Variants in TUFM observed in about 807,000 individuals in gnomAD.
The protein encoded by TUFM is elongation factor Tu, mitochondrial.
A neutral mutation model predicts 45.0 loss-of-function variants in TUFM; 23 were observed. The observed-to-expected ratio is 0.51, with a 90% CI of 0.37 to 0.72. TUFM has a LOEUF of 0.72. TUFM is among the 30% of genes least tolerant of loss of function. The pLI is 0.00. For synonymous variants in TUFM, 243 were observed against 252.9 expected, an observed-to-expected ratio of 0.96 and a Z score of 0.37; for missense variants, 490 against 610.7, an observed-to-expected ratio of 0.80 and a Z score of 2.08.
chr16:28,843,903 G>A, intron 8 of TUFM, 47 bp downstream of exon 8: 1 of 1,614,060 alleles, frequency 6.2e-7, no homozygotes, highest in Non-Finnish European at 8.5e-7. Flanking sequence ...GCTGGAGGCT[G>A]GGGAGAGCTT....
chr16:28,844,162 C>A lies in TUFM; in HGVS notation c.923-61G>T. The A allele has an allele frequency of 6.2e-7, 1 of 1,613,810 alleles. No homozygotes were observed. The highest frequency in any genetic ancestry group is 8.5e-7 in the Non-Finnish European group (1 of 1,179,684). Reference sequence around the variant, plus strand: ...AGGCGAATGTGAGACAGAGGGAAGGCACAAGGGATCTGCCGGGGTAAGGCC... The same window carrying A: ...AGGCGAATGTGAGACAGAGGGAAGGAACAAGGGATCTGCCGGGGTAAGGCC... On this transcript the variant is annotated intron_variant, in intron 7 of 9. Coordinates refer to ENST00000313511, the MANE Select transcript of TUFM (RefSeq NM_003321.5). This position sits in a 1 kb window ranked among gnomAD's most constrained non-coding sequence, Gnocchi z 5.8.
At chr16:28,843,610 C>G in intron 9 of TUFM, 126 bp downstream of exon 9, 1 of 1,369,564 alleles carries the variant, frequency 7.3e-7, no homozygotes, top group Non-Finnish European at 1.0e-6. Context: ...CAGCGGCAAG[C>G]AGCCCCTTTC....
rs1961911923 is a variant in TUFM, at chr16:28,845,298, TC to T, written c.414+15del. ...GCAGCTTCTGGCCCTGTCTCCAGTGTCCCAGCAACCCTCACCTTAACATAAT... is the reference window on the plus strand; with the variant it reads ...GCAGCTTCTGGCCCTGTCTCCAGTGTCCAGCAACCCTCACCTTAACATAAT... On this transcript the variant is annotated intron_variant, in intron 3 of 9. Coordinates refer to ENST00000313511, the MANE Select transcript of TUFM (RefSeq NM_003321.5). 1 of 1,614,050 alleles carries T rather than the reference TC, an allele frequency of 6.2e-7. No homozygotes were observed. The highest frequency in any genetic ancestry group is 8.5e-7 in the Non-Finnish European group (1 of 1,180,028).
chr16:28,845,166 C>T lies in TUFM; in HGVS notation c.415-111G>A. ...CAGGCCCACCTTTCTCTACCATCTC[C>T]TCACCACCCATTCTGCGTGGCCAAG... On this transcript the variant is annotated intron_variant, in intron 3 of 9. Coordinates refer to ENST00000313511, the MANE Select transcript of TUFM (RefSeq NM_003321.5). 7.1e-6 allele frequency: 11 copies of T among 1,553,916 alleles called. No individual in the cohort carries two copies. In the South Asian group the frequency reaches 7.8e-5, roughly 11 times the overall value.
chr16:28,842,726 C>T lies in TUFM; in HGVS notation c.*249G>A. On this transcript the variant is annotated 3_prime_UTR_variant, in exon 10 of 10. Transcript: ENST00000313511. ...ACAAGCTCCCCATCTGTCTGGGGTT[C>T]AACACCCTTTTTGTCCTCCCCTATC... 1.8e-6 allele frequency: 1 copy of T among 550,722 alleles called. No individual in the cohort carries two copies. Among genetic ancestry groups the T allele is most frequent in the East Asian group, 3.2e-5 (1 of 30,844 alleles). 34.1% of individuals were successfully genotyped at this position (550,722 alleles called of 1,614,324 possible). A position where few individuals can be genotyped will look rare whatever the true frequency, so the allele number is the denominator to read the frequency against.
chr16:28,846,339 G>A lies in TUFM; in HGVS notation c.-70C>T. ...GCACAGAAGAAGAAGGGCGCCTGCG[G>A]CTGGAAGGCACTTCCGGCGGAAGTT... is the stretch of plus-strand genomic sequence containing the variant. On this transcript the variant is annotated 5_prime_UTR_variant, in exon 1 of 10. Transcript: ENST00000313511. The A allele has an allele frequency of 6.6e-7, 1 of 1,511,678 alleles. No homozygotes were observed. The highest frequency in any genetic ancestry group is 8.9e-7 in the Non-Finnish European group (1 of 1,118,178). 93.6% of individuals were successfully genotyped at this position (1,511,678 alleles called of 1,614,324 possible). A position where few individuals can be genotyped will look rare whatever the true frequency, so the allele number is the denominator to read the frequency against.
chr16:28,845,603 A>G (rs1017833016), intron 2 of TUFM, 123 bp from the exon 3 acceptor site: 2 of 1,260,278 alleles, frequency 1.6e-6, no homozygotes, highest in Non-Finnish European at 2.3e-6. Flanking sequence ...CTCTTCCAGC[A>G]GAGAGAACTG....
rs965648243 is a variant in TUFM at position 28,842,586 on chromosome 16, T to C, written c.*389A>G. On this transcript the variant is annotated 3_prime_UTR_variant, in exon 10 of 10. Transcript: ENST00000313511. The stretch of plus-strand genomic sequence containing the variant: ...TGAAGCCATGCTGGCTCCAGAGCGA[T>C]AGAACATTCTTTCCCACTATCTCCC... The C allele has an allele frequency of 6.4e-6, 2 of 314,848 alleles. No homozygotes were observed. The highest frequency in any genetic ancestry group is 5.7e-5 in the South Asian group (2 of 35,014). 19.5% of individuals were successfully genotyped at this position (314,848 alleles called of 1,614,324 possible).
Position 28,844,689 on chromosome 16 carries a change from C to G in TUFM, c.684+9G>C. On this transcript the variant is annotated intron_variant, in intron 5 of 9. Coordinates refer to ENST00000313511, the MANE Select transcript of TUFM (RefSeq NM_003321.5). The surrounding 1 kb of genome is among the most constrained non-coding windows in gnomAD (Gnocchi z 5.8). Reference sequence around the variant, plus strand: ...CTGCAGCAGCTGCCCTGCCTGACCCCGCGTTCACCTCAAGGGCACAGAGAG... The same window carrying G: ...CTGCAGCAGCTGCCCTGCCTGACCCGGCGTTCACCTCAAGGGCACAGAGAG... 6.2e-7 allele frequency: 1 copy of G among 1,614,200 alleles called. No homozygotes were observed. The highest frequency in any genetic ancestry group is 8.5e-7 in the Non-Finnish European group (1 of 1,180,036).
chr16:28,845,431 G>T lies in TUFM; in HGVS notation c.297C>A (p.Asp99Glu). 4 of 1,614,128 alleles carry T rather than the reference G, an allele frequency of 2.5e-6. No homozygotes were observed. The highest frequency in any genetic ancestry group is 3.4e-6 in the Non-Finnish European group (4 of 1,180,008). Residue 99 changes from aspartate (D) to glutamate (E), a missense_variant, in exon 3 of 10, where the codon GAC (aspartate) becomes GAA (glutamate). Physicochemically the swap from Asp to Glu is conservative, Grantham distance 45 (BLOSUM62 2). Transcript: ENST00000313511. The part of the protein sequence containing the change: ...GAKFKKYEEI[D>E]NAPEERARGI... ...CCCGAGCTCGCTCCTCCGGGGCATT[G>T]TCAATCTCCTCGTACTTCTTGAACT...
chr16:28,842,998 C>T lies in TUFM; in HGVS notation c.1345G>A (p.Glu449Lys). The T allele has an allele frequency of 6.2e-7, 1 of 1,614,168 alleles. No homozygotes were observed. Among genetic ancestry groups the T allele is most frequent in the Non-Finnish European group, 8.5e-7 (1 of 1,179,998 alleles). ...ACTCAACCCCATTTGATATTCTTCT[C>T]CTCCTCAGTCATGGCCAGCGTGTTG... ...VTNTLAMTEE[E>K]KNIKWG Residue 449 changes from glutamate (E) to lysine (K), a missense_variant, in exon 10 of 10, where the codon GAG (glutamate) becomes AAG (lysine). Physicochemically the swap from Glu to Lys is moderately conservative, Grantham distance 56. Transcript: ENST00000313511.
At position 28,845,917 on chromosome 16, in the gene TUFM, G is replaced by A. The variant is rs1961939073; in HGVS notation, c.242C>T (p.Thr81Met). The A allele has an allele frequency of 6.2e-7, 1 of 1,613,902 alleles. No individual in the cohort carries two copies. Among genetic ancestry groups the A allele is most frequent in the Non-Finnish European group, 8.5e-7 (1 of 1,179,936 alleles). ...GACGCCCCAACCCCACTCACTCTTC[G>A]TGATGGCTGCAGTCAGCGTGGTCTT... ...HGKTTLTAAITKILAEGGGAK... is the reference protein window; with the variant it reads ...HGKTTLTAAIMKILAEGGGAK... The change falls in exon 2 of 10, where the codon ACG (threonine) becomes ATG (methionine). Residue 81 changes from threonine to methionine, a missense_variant. By Grantham distance (81) the Thr-to-Met change is moderately conservative (BLOSUM62 -1). Coordinates refer to ENST00000313511, the MANE Select transcript of TUFM (RefSeq NM_003321.5).
At position 28,842,725 on chromosome 16, in the gene TUFM, T is replaced by G; in HGVS notation, c.*250A>C. On this transcript the variant is annotated 3_prime_UTR_variant, in exon 10 of 10. Transcript: ENST00000313511. The stretch of plus-strand genomic sequence containing the variant: ...CACAAGCTCCCCATCTGTCTGGGGT[T>G]CAACACCCTTTTTGTCCTCCCCTAT... The G allele has an allele frequency of 1.8e-6, 1 of 548,568 alleles. No homozygotes were observed. The highest frequency in any genetic ancestry group is 3.3e-6 in the Non-Finnish European group (1 of 303,374). The allele number at this position is 548,568 out of a possible 1,614,324, so 34.0% of individuals were successfully genotyped here.
rs753564296 is a variant in TUFM, at chr16:28,842,865, T to C, written c.*110A>G. ...CGAGCAGGGGAAATGTCCATCTAGC[T>C]GCCCTCTGCTGGGTTGCAGCCTATG... On this transcript the variant is annotated 3_prime_UTR_variant, in exon 10 of 10. Coordinates refer to ENST00000313511, the MANE Select transcript of TUFM (RefSeq NM_003321.5). The C allele has an allele frequency of 9.3e-5, 130 of 1,404,100 alleles. No homozygotes were observed. Among genetic ancestry groups the C allele is most frequent in the Non-Finnish European group, 1.3e-4 (126 of 994,592 alleles). The allele number at this position is 1,404,100 out of a possible 1,614,324, so 87.0% of individuals were successfully genotyped here.
intron 8 of TUFM, 39 bp from the exon 9 acceptor site, chr16:28,843,894 C>T: frequency 6.2e-7 from 1 of 1,614,086 alleles, no homozygotes; most frequent in Non-Finnish European, 8.5e-7. Flanking sequence ...CTGGGCTTGG[C>T]TGGAGGCTGG....
In TUFM at chr16:28,843,014, C is replaced by T; in HGVS notation, c.1329G>A (p.Leu443=). 6.2e-7 allele frequency: 1 copy of T among 1,614,204 alleles called. No individual in the cohort carries two copies. The highest frequency in any genetic ancestry group is 8.5e-7 in the Non-Finnish European group (1 of 1,180,042). The change falls in exon 10 of 10, where the codon CTG becomes CTA. Residue 443 remains leucine (L), a synonymous_variant. Coordinates refer to ENST00000313511, the MANE Select transcript of TUFM (RefSeq NM_003321.5). ...TATTCTTCTCCTCCTCAGTCATGGC[C>T]AGCGTGTTGGTGACTAGACCGGTGC... ...TIGTGLVTNT[L]AMTEEEKNIK...
chr16:28,844,992 G>T lies in TUFM; in HGVS notation c.478C>A (p.Pro160Thr). The T allele has an allele frequency of 6.2e-7, 1 of 1,614,134 alleles. No homozygotes were observed. Among genetic ancestry groups the T allele is most frequent in the South Asian group, 1.1e-5 (1 of 91,080 alleles). The change falls in exon 4 of 10, where the codon CCC becomes ACC. Residue 160 changes from proline (P) to threonine (T), a missense_variant. Pro to Thr is a conservative substitution (Grantham distance 38, BLOSUM62 -1). Transcript: ENST00000313511. The surrounding 1 kb of genome is among the most constrained non-coding windows in gnomAD (Gnocchi z 5.8). ...CILVVAANDG[P>T]MPQTREHLLL... ...AAGTGCTCTCGGGTCTGGGGCATGG[G>T]GCCGTCATTGGCTGCTACCACCAGG...
intron 1 of TUFM, 29 bp from the exon 2 acceptor site, chr16:28,846,135 A>C (rs1421913368): frequency 6.2e-7 from 1 of 1,612,498 alleles, no homozygotes; most frequent in Non-Finnish European, 8.5e-7. Context: ...GGAGTCAGGC[A>C]GGGAAGGGGT....
chr16:28,843,013 C>G lies in TUFM; in HGVS notation c.1330G>C (p.Ala444Pro). The change falls in exon 10 of 10, where the codon GCC becomes CCC. Residue 444 changes from alanine to proline, a missense_variant. By Grantham distance (27) the Ala-to-Pro change is conservative. Coordinates refer to ENST00000313511, the MANE Select transcript of TUFM (RefSeq NM_003321.5). ...IGTGLVTNTL[A>P]MTEEEKNIKW... ...ATATTCTTCTCCTCCTCAGTCATGG[C>G]CAGCGTGTTGGTGACTAGACCGGTG... The G allele has an allele frequency of 6.2e-7, 1 of 1,614,218 alleles. No homozygotes were observed. Among genetic ancestry groups the G allele is most frequent in the Non-Finnish European group, 8.5e-7 (1 of 1,180,040 alleles).
Sources: allele counts gnomAD v4.1 joint callset, GRCh38; gene constraint gnomAD v4.1.1; non-coding constraint Gnocchi (gnomAD v3.1); transcripts MANE v1.5; gene names NCBI Gene and HGNC (gene_info 2026-07-23, HGNC 2026-07-21).